The following ARHGEF33 variants were observed in gnomAD, a reference collection of about 807,000 sequenced individuals.
The protein encoded by ARHGEF33 is DH and coiled-coil domain-containing protein ENSP00000381780.
In ARHGEF33, 72 loss-of-function variants were observed where a neutral mutation model predicts 101.9. That is an observed-to-expected ratio of 0.71 (90% CI 0.58 to 0.86). The LOEUF is 0.86. Among genes scored for constraint, ARHGEF33 ranks in the 40% least tolerant of loss-of-function variants. The pLI, the probability that ARHGEF33 is intolerant of heterozygous loss-of-function variation, is 0.00. For synonymous variants in ARHGEF33, 499 were observed against 442.5 expected, an observed-to-expected ratio of 1.13 and a Z score of -1.60; for missense variants, 1,169 against 1,111.3, an observed-to-expected ratio of 1.05 and a Z score of -0.74.
chr2:38,910,051 A>C (rs575496161), intron 2 of ARHGEF33, among the ~76,000 whole-genome samples: 3 of 152,238 alleles, frequency 2.0e-5, no homozygotes, highest in South Asian at 2.1e-4. Flanking sequence ...AGCTATTTAC[A>C]TGTATTCTAT....
chr2:38,893,000 C>G (rs1666038893), intron 1 of ARHGEF33, among the ~76,000 whole-genome samples: 1 of 152,144 alleles, frequency 6.6e-6, no homozygotes, highest in South Asian at 2.1e-4. Flanking sequence ...TTTTCAATGA[C>G]TCATTCTCTC....
intron 17 of ARHGEF33, chr2:38,969,361 G>A (rs1246759752): frequency 5.9e-6 from 1 of 168,250 alleles, no homozygotes; most frequent in Non-Finnish European, 1.5e-5. Context: ...ACAGCCCTCT[G>A]GAGGCTTATT....
chr2:38,968,690 A>G (rs1668103610), intron 17 of ARHGEF33, among the ~76,000 whole-genome samples: 1 of 152,154 alleles, frequency 6.6e-6, no homozygotes, highest in Non-Finnish European at 1.5e-5. Flanking sequence ...CACCACCAAT[A>G]CTGGTGCTGT....
chr2:38,960,187 C>A lies in ARHGEF33; in HGVS notation c.1882C>A (p.Pro628Thr). The A allele has an allele frequency of 1.9e-6, 3 of 1,544,168 alleles. No individual in the cohort carries two copies. Among genetic ancestry groups the A allele is most frequent in the Non-Finnish European group, 2.6e-6 (3 of 1,144,528 alleles). The change falls in exon 16 of 18, where the codon CCC (proline) becomes ACC (threonine). Residue 628 changes from proline (P) to threonine (T), a missense_variant. Coordinates refer to ENST00000409978, the MANE Select transcript of ARHGEF33 (RefSeq NM_001145451.5). ...CGGCGAGATCTTCGCGCTGCCCGCG[C>A]CCTACGACGAGGAGCCGTTCCAGGC... ...YGGEIFALPAPYDEEPFQAPA... is the reference protein window; with the variant it reads ...YGGEIFALPATYDEEPFQAPA...
Position 38,960,542 on chromosome 2 carries a change from C to A in ARHGEF33, c.2237C>A (p.Ala746Glu). ...APIKAERAAQ[A>E]HGPAAAAVAA... is the part of the protein sequence containing the mutation. ...ATCAAGGCCGAGCGCGCCGCGCAGG[C>A]GCACGGCCCGGCCGCCGCCGCCGTC... The change falls in exon 16 of 18, where the codon GCG (alanine) becomes GAG (glutamate). Residue 746 changes from alanine (A) to glutamate (E), a missense_variant. Transcript: ENST00000409978. 1 of 1,262,530 alleles carries A rather than the reference C, an allele frequency of 7.9e-7. No homozygotes were observed. Among genetic ancestry groups the A allele is most frequent in the Non-Finnish European group, 1.0e-6 (1 of 996,784 alleles). 78.2% of individuals were successfully genotyped at this position (1,262,530 alleles called of 1,614,324 possible).
chr2:38,918,183 G>C (rs1666677013), intron 2 of ARHGEF33, among the ~76,000 whole-genome samples: 1 of 152,196 alleles, frequency 6.6e-6, no homozygotes, highest in South Asian at 2.1e-4. Flanking sequence ...AACTGTCCTA[G>C]TGAGGAAAGC....
Position 38,929,042 on chromosome 2 carries a change from G to C in ARHGEF33, c.211G>C (p.Glu71Gln), listed in dbSNP as rs1254942222. 1.1e-5 allele frequency: 17 copies of C among 1,550,678 alleles called. No homozygotes were observed. The Admixed American group carries it at 3.3e-4, about 30-fold the overall frequency. The change falls in exon 5 of 18, where the codon GAG becomes CAG. Residue 71 changes from glutamate to glutamine, a missense_variant. Transcript: ENST00000409978. ...ATGTTCCATGGAAGAAAAAGTTACT[G>C]AGATGAAGAATTCATTAAACTATTT... ...CRCSMEEKVT[E>Q]MKNSLNYFKE...
chr2:38,933,476 T>C (rs777660028), intron 7 of ARHGEF33, among the ~76,000 whole-genome samples: 16 of 151,944 alleles, frequency 1.1e-4, no homozygotes, highest in Non-Finnish European at 2.2e-4. Flanking sequence ...CTCCACCTCC[T>C]GGGTTCAAGC....
At chr2:38,919,021 G>A (rs993968688) in intron 2 of ARHGEF33, among the ~76,000 whole-genome samples, 1 of 152,062 alleles carries the variant, frequency 6.6e-6, no homozygotes, top group Non-Finnish European at 1.5e-5. Flanking sequence ...ACTCTATCCC[G>A]GGTGACAGAA....
intron 10 of ARHGEF33, among the ~76,000 whole-genome samples, chr2:38,946,479 C>G (rs1667454150): frequency 1.3e-5 from 2 of 152,222 alleles, no homozygotes; most frequent in Admixed American, 1.3e-4. Context: ...CAACCCCACC[C>G]TCTTCGTTAG....
chr2:38,943,978 A>T lies in ARHGEF33; in HGVS notation c.868A>T (p.Ile290Leu), dbSNP rs1667376430. 1 of 1,551,604 alleles carries T rather than the reference A, an allele frequency of 6.4e-7. No individual in the cohort carries two copies. The highest frequency in any genetic ancestry group is 8.7e-7 in the Non-Finnish European group (1 of 1,146,966). Residue 290 changes from isoleucine (I) to leucine (L), a missense_variant, in exon 10 of 18, where the codon ATA becomes TTA. By Grantham distance (5) the Ile-to-Leu change is conservative (BLOSUM62 2). Coordinates refer to ENST00000409978, the MANE Select transcript of ARHGEF33 (RefSeq NM_001145451.5). ...CATTAACATCTCTCTGATCTTGAAG[A>T]TAAAAGCCACATTCCAGGGGTCAGA... ...YVINISLILK[I>L]KATFQGSDGK...
In ARHGEF33 at chr2:38,960,334, C is replaced by G. The variant is rs1290317533; in HGVS notation, c.2029C>G (p.Pro677Ala). Residue 677 changes from proline (P) to alanine (A), a missense_variant, in exon 16 of 18, where the codon CCC becomes GCC. Pro to Ala is a conservative substitution (Grantham distance 27, BLOSUM62 -1). Coordinates refer to ENST00000409978, the MANE Select transcript of ARHGEF33 (RefSeq NM_001145451.5). ...GCCGGAGCACCCGCTGCAGCCGCTG[C>G]CCAAGAGCGCTACGTCGCCGGCGGG... The part of the protein sequence containing the change: ...ERPEHPLQPL[P>A]KSATSPAGSS... The G allele has an allele frequency of 2.6e-6, 4 of 1,538,308 alleles. No homozygotes were observed. The highest frequency in any genetic ancestry group is 3.5e-6 in the Non-Finnish European group (4 of 1,144,852).
intron 4 of ARHGEF33, 34 bp downstream of exon 4, chr2:38,921,457 T>C: frequency 7.1e-7 from 1 of 1,400,202 alleles, no homozygotes; most frequent in Non-Finnish European, 9.9e-7. Flanking sequence ...AATGCTCCCA[T>C]GTATAATAGC....
Position 38,960,220 on chromosome 2 carries a change from C to G in ARHGEF33, c.1915C>G (p.Leu639Val), listed in dbSNP as rs1667883311. The G allele has an allele frequency of 6.5e-7, 1 of 1,547,124 alleles. No individual in the cohort carries two copies. The highest frequency in any genetic ancestry group is 8.7e-7 in the Non-Finnish European group (1 of 1,145,336). ...YDEEPFQAPA[L>V]FENCSPASSE... is the part of the protein sequence containing the mutation. ...CGAGGAGCCGTTCCAGGCTCCGGCC[C>G]TCTTCGAGAACTGCTCGCCTGCCTC... Residue 639 changes from leucine to valine, a missense_variant, in exon 16 of 18, where the codon CTC becomes GTC. Transcript: ENST00000409978.
intron 7 of ARHGEF33, among the ~76,000 whole-genome samples, chr2:38,932,131 A>G (rs1369803722): frequency 6.6e-6 from 1 of 151,004 alleles, no homozygotes; most frequent in South Asian, 2.1e-4. Flanking sequence ...TTTTATTATC[A>G]TTTTTTTTTG....
chr2:38,911,638 A>T (rs1666512265), intron 2 of ARHGEF33, among the ~76,000 whole-genome samples: 1 of 152,198 alleles, frequency 6.6e-6, no homozygotes, highest in African/African-American at 2.4e-5. Context: ...ATAACTTCTT[A>T]TTGTTTCAAC....
At chr2:38,925,167 A>G (rs910800002) in intron 4 of ARHGEF33, among the ~76,000 whole-genome samples, 1 of 152,162 alleles carries the variant, frequency 6.6e-6, no homozygotes, top group Non-Finnish European at 1.5e-5. Context: ...ATAGAAGGAA[A>G]TGTGAGTGTT....
At chr2:38,959,517 GAA>G (rs1322132036) in intron 15 of ARHGEF33, 1 of 255,834 alleles carries the variant, frequency 3.9e-6, no homozygotes. Flanking sequence ...GCAAGGGAGA[GAA>G]GAGAGTTGAA....
intron 2 of ARHGEF33, among the ~76,000 whole-genome samples, chr2:38,903,855 T>C (rs1285828051): frequency 1.3e-5 from 2 of 152,200 alleles, no homozygotes; most frequent in Admixed American, 1.3e-4. Context: ...GAACACCTTA[T>C]CAATTAATTA....
Sources: gnomAD v4.1 joint callset for allele counts (sites outside exome capture counted in the v4.1 genomes callset) on GRCh38, gnomAD v4.1.1 for gene constraint, MANE v1.5 for transcripts, NCBI Gene and HGNC (gene_info 2026-07-23, HGNC 2026-07-21) for gene names.